The following SMARCC1 variants were observed in gnomAD, a reference collection of about 807,000 sequenced individuals.
SMARCC1 encodes the protein SWI/SNF related BAF chromatin remodeling complex subunit C1, also known as SWI/SNF complex subunit SMARCC1.
A neutral mutation model predicts 147.4 loss-of-function variants in SMARCC1; 43 were observed. The ratio of observed to expected loss-of-function variants is 0.29; its 90% confidence interval spans 0.23 to 0.38. The LOEUF (loss-of-function observed/expected upper bound fraction) is 0.38. Ranked by LOEUF, SMARCC1 falls within the 10% of genes least tolerant of loss-of-function variation. The pLI is 1.00. For synonymous variants in SMARCC1, 495 were observed against 484.4 expected (o/e 1.02, Z -0.29); for missense variants, 1,119 against 1,381.1 (o/e 0.81, Z 3.01).
chr3:47,781,485 G>A (rs1172455970), intron 1 of SMARCC1, 118 bp downstream of exon 1: 1 of 645,312 alleles, frequency 1.5e-6, no homozygotes, highest in Non-Finnish European at 2.2e-6. Flanking sequence ...CCCGGCGCCT[G>A]CCTTTGTTGT....
intron 14 of SMARCC1, among the ~76,000 whole-genome samples, chr3:47,681,075 T>C (rs76214198): frequency 3.6e-4 from 55 of 152,292 alleles, no homozygotes; most frequent in African/African-American, 1.2e-3. Context: ...CTGAAAACTA[T>C]ACATTTTATT....
intron 11 of SMARCC1, 121 bp downstream of exon 11, chr3:47,701,157 G>T: frequency 1.4e-6 from 1 of 713,294 alleles, no homozygotes; most frequent in Non-Finnish European, 2.3e-6. Context: ...CCATAAAAGG[G>T]ACAATCTATT....
In SMARCC1 at chr3:47,627,190, G is replaced by A. The variant is rs28481993; in HGVS notation, c.2647-4849C>T. 4.2e-3 allele frequency among the ~76,000 whole-genome samples: 637 copies of A among 152,158 alleles called. 4 individuals are homozygous for A. Among genetic ancestry groups the A allele is most frequent in the South Asian group, 0.032 (153 of 4,808 alleles). On this transcript the variant is annotated intron_variant, in intron 24 of 27. Coordinates refer to ENST00000254480, the MANE Select transcript of SMARCC1 (RefSeq NM_003074.4). ...TTGGCTTTGGGACCACATAGTGGGT[G>A]CAAGCTGAAAGGGCTTTAAGAAAAC...
At chr3:47,740,178 CTTTTTTTTTTT>C (rs34523367) in intron 3 of SMARCC1, among the ~76,000 whole-genome samples, 11 of 35,716 alleles carry the variant, frequency 3.1e-4, no homozygotes, top group African/African-American at 7.9e-4. Context: ...GCCCGGCCAT[CTTTTTTTTTTT>C]TTTTTTTTTT....
intron 3 of SMARCC1, among the ~76,000 whole-genome samples, chr3:47,745,084 A>G (rs1011015354): frequency 2.6e-5 from 4 of 152,152 alleles, no homozygotes; most frequent in Admixed American, 6.6e-5. Context: ...CCTGGCCAAC[A>G]TGGTGAAACC....
intron 10 of SMARCC1, 125 bp downstream of exon 10, chr3:47,706,284 C>G: frequency 1.2e-6 from 1 of 845,958 alleles, no homozygotes; most frequent in Non-Finnish European, 1.6e-6. Flanking sequence ...GTTGGCCAGG[C>G]TGGATTTGAA....
chr3:47,748,106 C>T (rs910251607), intron 2 of SMARCC1, among the ~76,000 whole-genome samples: 2 of 152,018 alleles, frequency 1.3e-5, no homozygotes, highest in Non-Finnish European at 2.9e-5. Flanking sequence ...GCCAAGATCA[C>T]ACCACTGCAC....
intron 14 of SMARCC1, among the ~76,000 whole-genome samples, chr3:47,683,991 G>T (rs929086111): frequency 6.6e-6 from 1 of 151,612 alleles, no homozygotes. Context: ...GGTGGCTCAC[G>T]CCTGTAATCC....
chr3:47,667,587 A>C (rs561674265), intron 19 of SMARCC1, among the ~76,000 whole-genome samples: 2 of 152,212 alleles, frequency 1.3e-5, no homozygotes, highest in East Asian at 3.9e-4. Flanking sequence ...GACTTAAAAG[A>C]AATTGTGAAG....
In SMARCC1 at chr3:47,714,385, T is replaced by C. The variant is rs565540898; in HGVS notation, c.792+30A>G. The C allele has an allele frequency of 5.9e-6, 8 of 1,355,952 alleles. No homozygotes were observed. In the East Asian group the frequency reaches 1.8e-4, roughly 31 times the overall value. The allele number at this position is 1,355,952 out of a possible 1,614,324, so 84.0% of individuals were successfully genotyped here. On this transcript the variant is annotated intron_variant, in intron 8 of 27. Coordinates refer to ENST00000254480, the MANE Select transcript of SMARCC1 (RefSeq NM_003074.4). ...CTCAAAAAAAATTTTAAAAAGATTA[T>C]TGTAAGATTTTTTTTGTTAAATCAT...
intron 3 of SMARCC1, among the ~76,000 whole-genome samples, chr3:47,742,380 T>C (rs1333823050): frequency 1.3e-5 from 2 of 152,186 alleles, no homozygotes; most frequent in African/African-American, 4.8e-5. Flanking sequence ...TATTACTTAA[T>C]TGAACTTGGT....
chr3:47,670,636 C>T (rs1245122063), intron 19 of SMARCC1, 22 bp downstream of exon 19: 6 of 1,378,984 alleles, frequency 4.4e-6, no homozygotes, highest in Non-Finnish European at 6.2e-6. Flanking sequence ...AGCACACATC[C>T]CATATGCATT....
intron 18 of SMARCC1, among the ~76,000 whole-genome samples, chr3:47,671,196 A>AAAAAAAAAAAAAAAAACAAC (rs753672169): frequency 1.2e-5 from 1 of 81,142 alleles, no homozygotes; most frequent in African/African-American, 4.0e-5. Context: ...AAAAAAAAAA[A>AAAAAAAAAAAAAAAAACAAC]AACACACACA....
intron 25 of SMARCC1, among the ~76,000 whole-genome samples, chr3:47,612,434 A>C (rs1398164398): frequency 6.6e-6 from 1 of 152,230 alleles, no homozygotes; most frequent in Non-Finnish European, 1.5e-5. Flanking sequence ...GATATGCTTT[A>C]TAAGGAAGCT....
intron 6 of SMARCC1, among the ~76,000 whole-genome samples, chr3:47,728,222 G>A (rs1298645458): frequency 6.6e-6 from 1 of 150,486 alleles, no homozygotes; most frequent in Non-Finnish European, 1.5e-5. Flanking sequence ...AAGTAGCTGG[G>A]GTTACAAATG....
At chr3:47,609,940 C>T in intron 26 of SMARCC1, 126 bp downstream of exon 26, 1 of 1,020,120 alleles carries the variant, frequency 9.8e-7, no homozygotes, top group Non-Finnish European at 1.4e-6. Context: ...CTACAATTTT[C>T]TAGATGACAA....
chr3:47,685,328 A>T (rs767289599), intron 14 of SMARCC1, among the ~76,000 whole-genome samples: 11 of 152,200 alleles, frequency 7.2e-5, no homozygotes, highest in Non-Finnish European at 1.3e-4. Flanking sequence ...CACAACGGAA[A>T]ATTATGAATT....
intron 26 of SMARCC1, among the ~76,000 whole-genome samples, chr3:47,601,418 C>T (rs1379740277): frequency 6.6e-6 from 1 of 152,144 alleles, no homozygotes. Context: ...ATAGCACATC[C>T]TCTGGCTGAG....
intron 18 of SMARCC1, among the ~76,000 whole-genome samples, chr3:47,673,549 C>T (rs938355888): frequency 1.5e-4 from 23 of 150,704 alleles, no homozygotes; most frequent in African/African-American, 5.1e-4. Flanking sequence ...ATTAGCCAGG[C>T]GTGGTGGCAC....
Sources: gnomAD v4.1 joint callset for allele counts (sites outside exome capture counted in the v4.1 genomes callset) on GRCh38, gnomAD v4.1.1 for gene constraint, MANE v1.5 for transcripts, NCBI Gene and HGNC (gene_info 2026-07-23, HGNC 2026-07-21) for gene names.